Variants in RBFOX1 observed in about 807,000 individuals in gnomAD.
The protein encoded by RBFOX1 is RNA binding protein fox-1 homolog 1.
Under a neutral mutation model 57.7 loss-of-function variants are expected in RBFOX1, and 8 were observed. The observed-to-expected ratio is 0.14, with a 90% confidence interval of 0.08 to 0.25. RBFOX1 has a LOEUF of 0.25. Ranked by LOEUF, RBFOX1 falls within the 10% of genes least tolerant of loss-of-function variation. RBFOX1 has a pLI of 1.00. For missense variants in RBFOX1, 611 were observed against 548.5 expected, an observed-to-expected ratio of 1.11 and a Z score of -1.14; for synonymous variants, 326 against 222.4, an observed-to-expected ratio of 1.47 and a Z score of -4.15.
intron 1 of RBFOX1, among the ~76,000 whole-genome samples, chr16:5,320,610 C>A (rs994883147): frequency 6.6e-6 from 1 of 152,238 alleles, no homozygotes; most frequent in Non-Finnish European, 1.5e-5. Context: ...AGAAGTTCTC[C>A]TAACATGCTT....
At chr16:7,070,707 T>C (rs1419218852) in intron 4 of RBFOX1, among the ~76,000 whole-genome samples, 2 of 152,218 alleles carry the variant, frequency 1.3e-5, no homozygotes, top group African/African-American at 2.4e-5. Flanking sequence ...ATAATACTTT[T>C]CTAAGTAGGC....
At chr16:7,183,786 G>C (rs113087353) in intron 4 of RBFOX1, among the ~76,000 whole-genome samples, 3 of 152,202 alleles carry the variant, frequency 2.0e-5, no homozygotes, top group African/African-American at 7.2e-5. Context: ...TCTCCTTTCA[G>C]TGTGGTTCAG....
chr16:5,407,452 G>A (rs879544480), intron 1 of RBFOX1, among the ~76,000 whole-genome samples: 4 of 152,138 alleles, frequency 2.6e-5, no homozygotes, highest in Admixed American at 2.6e-4. Flanking sequence ...GAACTGGGGA[G>A]CTTGGAGGTG....
intron 1 of RBFOX1, among the ~76,000 whole-genome samples, chr16:6,217,082 A>G (rs2097340369): frequency 6.6e-6 from 1 of 151,746 alleles, no homozygotes; most frequent in Non-Finnish European, 1.5e-5. Context: ...AAGCTTTGCT[A>G]GATTAATGGG....
intron 2 of RBFOX1, among the ~76,000 whole-genome samples, chr16:6,531,628 C>T (rs769189791): frequency 2.0e-5 from 3 of 152,066 alleles, no homozygotes; most frequent in Non-Finnish European, 4.4e-5. Flanking sequence ...CCTCAGTGTA[C>T]GAATGACCCA....
At chr16:7,354,422 A>G (rs560823103) in intron 4 of RBFOX1, among the ~76,000 whole-genome samples, 1 of 152,340 alleles carries the variant, frequency 6.6e-6, no homozygotes, top group Admixed American at 6.5e-5. Flanking sequence ...CCCTCAGGAA[A>G]TAAAACAGAG....
At chr16:5,832,704 C>G (rs1472278368) in intron 3 of RBFOX1, among the ~76,000 whole-genome samples, 1 of 152,148 alleles carries the variant, frequency 6.6e-6, no homozygotes, top group Non-Finnish European at 1.5e-5. Flanking sequence ...GAGGCCTTTT[C>G]ATTGGGGGCA....
intron 3 of RBFOX1, among the ~76,000 whole-genome samples, chr16:5,709,464 A>G (rs2051371416): frequency 6.6e-6 from 1 of 152,040 alleles, no homozygotes; most frequent in African/African-American, 2.4e-5. Context: ...TTTATCATTC[A>G]TTTCCTTTCT....
chr16:7,427,573 C>T (rs571669574), intron 4 of RBFOX1, among the ~76,000 whole-genome samples: 2 of 152,226 alleles, frequency 1.3e-5, no homozygotes, highest in South Asian at 4.2e-4. Flanking sequence ...TTTACCTTCC[C>T]TTGCCCAAGC....
intron 3 of RBFOX1, among the ~76,000 whole-genome samples, chr16:7,042,044 A>G (rs1010767106): frequency 6.6e-6 from 1 of 152,140 alleles, no homozygotes; most frequent in Non-Finnish European, 1.5e-5. Context: ...TTGGGGAGAA[A>G]ACTGGATCTA....
intron 2 of RBFOX1, among the ~76,000 whole-genome samples, chr16:6,439,297 C>T (rs1311202631): frequency 6.6e-6 from 1 of 152,178 alleles, no homozygotes; most frequent in East Asian, 1.9e-4. Flanking sequence ...TATAATCAAA[C>T]ACCATCCACC....
intron 3 of RBFOX1, among the ~76,000 whole-genome samples, chr16:5,644,042 G>A (rs570305660): frequency 6.6e-6 from 1 of 152,172 alleles, no homozygotes; most frequent in Non-Finnish European, 1.5e-5. Flanking sequence ...GTCGTACACA[G>A]AGGACTCTTC....
chr16:6,019,313 C>G lies in RBFOX1; in HGVS notation c.-806C>G, dbSNP rs2095024131. 1.0e-6 allele frequency: 1 copy of G among 985,206 alleles called. No individual in the cohort carries two copies. Among genetic ancestry groups the G allele is most frequent in the Non-Finnish European group, 1.2e-6 (1 of 830,206 alleles). 61.0% of individuals were successfully genotyped at this position (985,206 alleles called of 1,614,324 possible). A position where few individuals can be genotyped will look rare whatever the true frequency, so the allele number is the denominator to read the frequency against. ...GTTTGAAGGTCACCTCCTTTCCAGT[C>G]CCCGTGCGAGCCGCGCTGCCGCCGC... is the stretch of plus-strand genomic sequence containing the variant. On this transcript the variant is annotated 5_prime_UTR_variant, in exon 1 of 16. Transcript: ENST00000550418. This position sits in a 1 kb window ranked among gnomAD's most constrained non-coding sequence, Gnocchi z 4.2.
chr16:7,503,362 C>G (rs900254436), intron 4 of RBFOX1, among the ~76,000 whole-genome samples: 2 of 152,108 alleles, frequency 1.3e-5, no homozygotes, highest in Non-Finnish European at 2.9e-5. Flanking sequence ...CACATTCGAT[C>G]GATCAATTTC....
Position 6,180,239 on chromosome 16 carries a change from G to A in RBFOX1, c.-126-136756G>A, listed in dbSNP as rs1027074609. Among the ~76,000 whole-genome samples the A allele has an allele frequency of 7.9e-5, 12 of 151,992 alleles. 1 individual carries two copies. The highest frequency in any genetic ancestry group is 2.9e-4 in the African/African-American group (12 of 41,392). ...AATTTTGGTAAAATTCACCAGTAGAGGCACTGGGGTCTGGGTTTTTCTTTA... is the reference window on the plus strand; with the variant it reads ...AATTTTGGTAAAATTCACCAGTAGAAGCACTGGGGTCTGGGTTTTTCTTTA... On this transcript the variant is annotated intron_variant, in intron 1 of 15. Coordinates refer to ENST00000550418, the MANE Select transcript of RBFOX1 (RefSeq NM_018723.4).
At chr16:7,673,414 A>C (rs2072230949) in intron 13 of RBFOX1, among the ~76,000 whole-genome samples, 1 of 152,104 alleles carries the variant, frequency 6.6e-6, no homozygotes, top group Non-Finnish European at 1.5e-5. Flanking sequence ...TAATTTTGAA[A>C]CTGCTTTATT....
intron 1 of RBFOX1, among the ~76,000 whole-genome samples, chr16:6,287,070 G>A (rs2076976244): frequency 6.6e-6 from 1 of 152,032 alleles, no homozygotes; most frequent in African/African-American, 2.4e-5. Context: ...AAAATGATAA[G>A]GGAACAGCAT....
rs746783027 is a variant in RBFOX1, at chr16:7,518,279, G to A, written c.160G>A (p.Gly54Ser). ...TCCCCACCCCGCGCCAGAGTACACA[G>A]GCCAGACCACGGTTCCCGAGCACAC... Reference protein sequence around the residue: ...PHPHPAPEYTGQTTVPEHTLN... With the variant: ...PHPHPAPEYTSQTTVPEHTLN... The change falls in exon 5 of 16, where the codon GGC (glycine) becomes AGC (serine). Residue 54 changes from glycine (G) to serine (S), a missense_variant. Transcript: ENST00000550418. 6.2e-7 allele frequency: 1 copy of A among 1,614,096 alleles called. No individual in the cohort carries two copies. Among genetic ancestry groups the A allele is most frequent in the Admixed American group, 1.7e-5 (1 of 60,020 alleles).
At chr16:6,850,999 T>TACACTGTGATAATCC (rs374078203) in intron 3 of RBFOX1, among the ~76,000 whole-genome samples, 56 of 152,328 alleles carry the variant, frequency 3.7e-4, no homozygotes, top group African/African-American at 1.3e-3. Flanking sequence ...CATGAATGGT[T>TACACTGTGATAATCC]ACACTGTGAT....
Sources: allele counts gnomAD v4.1 joint callset (sites outside exome capture counted in the v4.1 genomes callset), GRCh38; gene constraint gnomAD v4.1.1; non-coding constraint Gnocchi (gnomAD v3.1); transcripts MANE v1.5; gene names NCBI Gene and HGNC (gene_info 2026-07-23, HGNC 2026-07-21).